The following WDR4 variants were observed in gnomAD, a reference collection of about 807,000 sequenced individuals.
The protein encoded by WDR4 is WDR4 tRNA N7-guanosine methyltransferase non-catalytic subunit, also known as tRNA (guanine-N(7)-)-methyltransferase non-catalytic subunit WDR4.
Under a neutral mutation model 48.6 loss-of-function variants are expected in WDR4, and 47 were observed. The observed-to-expected ratio is 0.97, with a 90% CI of 0.77 to 1.23. WDR4 has a LOEUF of 1.23. WDR4 is among the 50% of genes most tolerant of loss of function. The pLI is 0.00. For missense variants in WDR4, 606 were observed against 551.6 expected (o/e 1.10, Z -0.99); for synonymous variants, 268 against 230.0 (o/e 1.17, Z -1.49).
At chr21:42,870,738 G>A (rs1346158701) in intron 3 of WDR4, among the ~76,000 whole-genome samples, 3 of 152,052 alleles carry the variant, frequency 2.0e-5, no homozygotes, top group Non-Finnish European at 4.4e-5. Context: ...GCAGTGAGCT[G>A]AGATCACGCC....
chr21:42,874,295 TCTTTA>T (rs923445502), intron 2 of WDR4, among the ~76,000 whole-genome samples: 7 of 152,248 alleles, frequency 4.6e-5, no homozygotes, highest in African/African-American at 7.2e-5. Flanking sequence ...CCTATGCCTG[TCTTTA>T]CTTTAATCTC....
the WDR4 span, among the ~76,000 whole-genome samples, chr21:42,888,665 AGC>A: frequency 6.6e-6 from 1 of 150,942 alleles, no homozygotes; most frequent in Non-Finnish European, 1.5e-5. Context: ...GAAGTATTTG[AGC>A]TCACAATAAA....
intron 10 of WDR4, 142 bp from the exon 11 acceptor site, chr21:42,850,384 TC>T: frequency 1.5e-6 from 1 of 684,890 alleles, no homozygotes. Context: ...CTGGGACGGC[TC>T]CCCACGGTGC....
intron 2 of WDR4, among the ~76,000 whole-genome samples, chr21:42,874,397 T>C (rs1413401082): frequency 2.0e-5 from 3 of 152,142 alleles, no homozygotes; most frequent in African/African-American, 7.2e-5. Context: ...GCATGTGTGT[T>C]TGAACAATAT....
At chr21:42,858,240 AACTCCCCT>A (rs1158405937) in intron 6 of WDR4, among the ~76,000 whole-genome samples, 11 of 152,346 alleles carry the variant, frequency 7.2e-5, no homozygotes, top group Non-Finnish European at 1.6e-4. Flanking sequence ...CTGTGTGGCC[AACTCCCCT>A]CTGGGGCCCA....
At chr21:42,864,107 CAAAAAAAA>C (rs776906461) in intron 3 of WDR4, among the ~76,000 whole-genome samples, 4 of 50,568 alleles carry the variant, frequency 7.9e-5, no homozygotes, top group Non-Finnish European at 1.3e-4. Flanking sequence ...GACTCCGTCT[CAAAAAAAA>C]AAAAAAAAAA....
At chr21:42,873,842 G>A (rs1011620869) in intron 2 of WDR4, 151 bp from the exon 3 acceptor site, 151 of 898,940 alleles carry the variant, frequency 1.7e-4, no homozygotes, top group Middle Eastern at 2.3e-4. Flanking sequence ...AAAGGGACAT[G>A]GGGAAGTTCA....
intron 2 of WDR4, among the ~76,000 whole-genome samples, chr21:42,875,898 A>G (rs949829138): frequency 2.7e-5 from 4 of 148,454 alleles, no homozygotes; most frequent in Non-Finnish European, 5.9e-5. Context: ...AAGTATTTAG[A>G]AAAGTCCTAA....
chr21:42,891,195 G>A, the WDR4 span, among the ~76,000 whole-genome samples: 22 of 152,074 alleles, frequency 1.4e-4, no homozygotes, highest in South Asian at 3.3e-3. Context: ...TGGTGGCGGC[G>A]CCTGTAATCC....
chr21:42,864,952 A>C (rs2058214669), intron 3 of WDR4, among the ~76,000 whole-genome samples: 1 of 152,238 alleles, frequency 6.6e-6, no homozygotes. Context: ...ACACTGCCCA[A>C]TACGCAGCCA....
At chr21:42,879,346 G>T in intron 1 of WDR4, 61 bp downstream of exon 1, 9 of 1,586,740 alleles carry the variant, frequency 5.7e-6, no homozygotes, top group Non-Finnish European at 6.0e-6. Context: ...AAGCGGGGTC[G>T]CCAGGACCCG....
intron 3 of WDR4, among the ~76,000 whole-genome samples, chr21:42,863,930 A>T (rs35672049): frequency 3.7e-5 from 3 of 81,984 alleles, no homozygotes; most frequent in Admixed American, 2.8e-4. Context: ...CACGGTGAAA[A>T]CCCCGTCTCT....
chr21:42,870,895 C>G (rs1457639427), intron 3 of WDR4, among the ~76,000 whole-genome samples: 2 of 152,198 alleles, frequency 1.3e-5, no homozygotes. Context: ...TGAAAGCTCT[C>G]TACAGCAGCC....
At chr21:42,850,751 CAGTA>C (rs2057803653) in intron 10 of WDR4, among the ~76,000 whole-genome samples, 1 of 152,224 alleles carries the variant, frequency 6.6e-6, no homozygotes, top group African/African-American at 2.4e-5. Context: ...AACAGTGAGA[CAGTA>C]AGGGTGGGGT....
chr21:42,867,815 T>C (rs2058282540), intron 3 of WDR4, among the ~76,000 whole-genome samples: 1 of 152,032 alleles, frequency 6.6e-6, no homozygotes, highest in African/African-American at 2.4e-5. Context: ...TCCTCTCACC[T>C]TGGCCCCTCA....
intron 3 of WDR4, among the ~76,000 whole-genome samples, chr21:42,870,140 C>T (rs1235505369): frequency 6.6e-6 from 1 of 152,094 alleles, no homozygotes; most frequent in Non-Finnish European, 1.5e-5. Context: ...CACCTGAGGT[C>T]ATGAGTTCAA....
rs1413259557 is a variant in WDR4, at chr21:42,871,539, G to C, written c.296+2012C>G. ...TAGGTCCTAAATGACTTACTCATGT[G>C]GCTATCTTAGCAAGAGGATGCCGTT... On this transcript the variant is annotated intron_variant, in intron 3 of 10. Coordinates refer to ENST00000398208, the MANE Select transcript of WDR4 (RefSeq NM_018669.6). Among the ~76,000 whole-genome samples, 2 of 152,208 alleles carry C rather than the reference G, an allele frequency of 1.3e-5. 1 individual carries two copies. Among genetic ancestry groups the C allele is most frequent in the South Asian group, 4.1e-4 (2 of 4,834 alleles).
intron 3 of WDR4, among the ~76,000 whole-genome samples, chr21:42,867,209 G>A (rs2058265309): frequency 6.6e-6 from 1 of 152,114 alleles, no homozygotes; most frequent in Non-Finnish European, 1.5e-5. Flanking sequence ...TGGCCAACAT[G>A]GCAAAACCCC....
At chr21:42,843,973 G>A (rs2057688571) in intron 11 of WDR4, among the ~76,000 whole-genome samples, 1 of 152,176 alleles carries the variant, frequency 6.6e-6, no homozygotes, top group African/African-American at 2.4e-5. Context: ...TCACAGGTGT[G>A]AGCCGCCAGC....
Sources: allele counts gnomAD v4.1 joint callset (sites outside exome capture counted in the v4.1 genomes callset), GRCh38; gene constraint gnomAD v4.1.1; transcripts MANE v1.5; gene names NCBI Gene and HGNC (gene_info 2026-07-23, HGNC 2026-07-21).